Variants in ZNF532 observed in about 807,000 individuals in gnomAD.
ZNF532 encodes the protein zinc finger protein 532.
In ZNF532, 22 loss-of-function variants were observed where a neutral mutation model predicts 89.3. That is an observed-to-expected ratio of 0.25 (90% CI 0.18 to 0.35). The LOEUF (loss-of-function observed/expected upper bound fraction) is 0.35, where lower values mean the gene tolerates loss of function less well. Among genes scored for constraint, ZNF532 ranks in the 10% least tolerant of loss-of-function variants. The pLI is 1.00. For missense variants in ZNF532, 1,132 were observed against 1,643.4 expected (o/e 0.69, Z 5.38); for synonymous variants, 606 against 649.6 (o/e 0.93, Z 1.02).
chr18:58,892,988 T>G (rs181850710), intron 2 of ZNF532, among the ~76,000 whole-genome samples: 3 of 151,268 alleles, frequency 2.0e-5, no homozygotes, highest in Admixed American at 2.0e-4. Context: ...CTTTCTTTTT[T>G]TTTTTTTTTT....
intron 2 of ZNF532, among the ~76,000 whole-genome samples, chr18:58,901,689 C>T (rs563703862): frequency 1.6e-4 from 25 of 152,248 alleles, no homozygotes; most frequent in South Asian, 4.1e-4. Context: ...GACGATGAGT[C>T]CACCTGCAGG....
intron 2 of ZNF532, among the ~76,000 whole-genome samples, chr18:58,869,844 G>C (rs1342746936): frequency 7.0e-6 from 1 of 142,492 alleles, no homozygotes; most frequent in African/African-American, 2.7e-5. Flanking sequence ...TCGGCTCACT[G>C]CAACCTCTGT....
chr18:58,930,718 G>A (rs1020155181), intron 3 of ZNF532, among the ~76,000 whole-genome samples: 8 of 151,348 alleles, frequency 5.3e-5, no homozygotes, highest in African/African-American at 1.9e-4. Flanking sequence ...ATCTGAGAAT[G>A]CTCAAGCCCC....
At chr18:58,964,535 T>TGTG (rs2065708267) in intron 7 of ZNF532, among the ~76,000 whole-genome samples, 4 of 138,554 alleles carry the variant, frequency 2.9e-5, no homozygotes, top group Admixed American at 1.5e-4. Flanking sequence ...GATATTTTGT[T>TGTG]TGTGTGTGTG....
At chr18:58,916,937 AC>A (rs2060642883) in intron 2 of ZNF532, among the ~76,000 whole-genome samples, 1 of 152,218 alleles carries the variant, frequency 6.6e-6, no homozygotes, top group South Asian at 2.1e-4. Context: ...CGTGTCAGGG[AC>A]CACTAAAGCA....
Position 58,948,204 on chromosome 18 carries a change from A to C in ZNF532, c.2843A>C (p.Lys948Thr). ...CPDCSLLYAQKQLMMDHIKSM... is the reference protein window; with the variant it reads ...CPDCSLLYAQTQLMMDHIKSM... ...GACTGTTCTCTTTTATATGCACAGAAGCAACTTATGATGGACCATATCAAG... is the reference window on the plus strand; with the variant it reads ...GACTGTTCTCTTTTATATGCACAGACGCAACTTATGATGGACCATATCAAG... Residue 948 changes from lysine (K) to threonine (T), a missense_variant, in exon 6 of 10, where the codon AAG becomes ACG. Around this residue, in one of 9 missense-constraint regions of ZNF532, gnomAD observed 415 missense variants for 604.8 expected, o/e 0.69. Coordinates refer to ENST00000591808, the MANE Select transcript of ZNF532 (RefSeq NM_001375912.1). The C allele has an allele frequency of 6.2e-7, 1 of 1,613,158 alleles. No individual in the cohort carries two copies. Among genetic ancestry groups the C allele is most frequent in the Non-Finnish European group, 8.5e-7 (1 of 1,179,630 alleles).
chr18:58,929,900 C>G (rs2061809874), intron 3 of ZNF532, among the ~76,000 whole-genome samples: 2 of 152,154 alleles, frequency 1.3e-5, no homozygotes, highest in Non-Finnish European at 2.9e-5. Flanking sequence ...AACTGGTATA[C>G]TTTATTATTT....
intron 4 of ZNF532, among the ~76,000 whole-genome samples, chr18:58,935,696 T>C (rs2062415591): frequency 6.6e-6 from 1 of 151,794 alleles, no homozygotes; most frequent in Non-Finnish European, 1.5e-5. Flanking sequence ...CTGTGCCTTT[T>C]ATATTTTCAC....
chr18:58,887,543 GC>G (rs2058389164), intron 2 of ZNF532, among the ~76,000 whole-genome samples: 1 of 152,174 alleles, frequency 6.6e-6, no homozygotes, highest in South Asian at 2.1e-4. Context: ...GGGTGATGCA[GC>G]CCTCTGCCTC....
intron 7 of ZNF532, among the ~76,000 whole-genome samples, chr18:58,963,641 G>A (rs1603303575): frequency 8.0e-6 from 1 of 124,594 alleles, no homozygotes; most frequent in African/African-American, 2.9e-5. Context: ...GTGTGTGTGT[G>A]TGTGTATGTA....
intron 9 of ZNF532, among the ~76,000 whole-genome samples, chr18:58,983,423 T>C (rs937563671): frequency 9.8e-5 from 15 of 152,290 alleles, no homozygotes; most frequent in African/African-American, 3.4e-4. Flanking sequence ...TCCTTCCTAC[T>C]GGCTCTAGCC....
At chr18:58,983,883 TG>T in intron 9 of ZNF532, 88 bp from the exon 10 acceptor site, 1 of 1,492,070 alleles carries the variant, frequency 6.7e-7, no homozygotes, top group Non-Finnish European at 9.0e-7. Flanking sequence ...CAAGTTTTCC[TG>T]GCAGCTCTAA....
At chr18:58,902,241 G>C (rs778727829) in intron 2 of ZNF532, among the ~76,000 whole-genome samples, 1 of 152,146 alleles carries the variant, frequency 6.6e-6, no homozygotes, top group Non-Finnish European at 1.5e-5. Context: ...GACGGGGGCG[G>C]TTAAGATCAT....
rs2057508955 is a variant in ZNF532 at position 58,877,286 on chromosome 18, G to GGA, written c.-18+11710_-18+11711dup. On this transcript the variant is annotated intron_variant, in intron 2 of 9. Coordinates refer to ENST00000591808, the MANE Select transcript of ZNF532 (RefSeq NM_001375912.1). ...TCACATCACCTCTCCAGCACGTGAT[G>GGA]GAGACAGCCTCCATTGGGTCCTTGG... 1.3e-5 allele frequency among the ~76,000 whole-genome samples: 2 copies of GGA among 152,188 alleles called. 1 individual carries two copies.
At chr18:58,944,966 G>C (rs919433707) in intron 5 of ZNF532, among the ~76,000 whole-genome samples, 32 of 152,134 alleles carry the variant, frequency 2.1e-4, no homozygotes, top group Admixed American at 2.1e-3. Flanking sequence ...AGGAACTTGT[G>C]TAAGTAACCT....
chr18:58,969,765 G>A (rs2066275583), intron 7 of ZNF532, among the ~76,000 whole-genome samples: 1 of 151,740 alleles, frequency 6.6e-6, no homozygotes, highest in Admixed American at 6.6e-5. Flanking sequence ...ATCTTTAAAA[G>A]GAATGATTAG....
At chr18:58,934,869 GGCTTTGACTGTCA>G (rs1270123551) in intron 4 of ZNF532, among the ~76,000 whole-genome samples, 1 of 152,026 alleles carries the variant, frequency 6.6e-6, no homozygotes, top group Non-Finnish European at 1.5e-5. Context: ...GTGCAGGTGT[GGCTTTGACTGTCA>G]GCTTTGACTG....
In ZNF532 at chr18:58,939,120, A is replaced by C. The variant is rs1404008756; in HGVS notation, c.2529-325A>C. On this transcript the variant is annotated intron_variant, in intron 4 of 9. Transcript: ENST00000591808. ...AAAGTAATTGGGCATGGTGGTACAC[A>C]CCTGTAATCCCAGCTACTTGGGAGG... 3.9e-5 allele frequency among the ~76,000 whole-genome samples: 6 copies of C among 151,936 alleles called. No homozygotes were observed. The South Asian group carries it at 1.2e-3, about 32-fold the overall frequency.
chr18:58,883,568 T>G (rs2058073944), intron 2 of ZNF532, among the ~76,000 whole-genome samples: 1 of 152,196 alleles, frequency 6.6e-6, no homozygotes, highest in Non-Finnish European at 1.5e-5. Flanking sequence ...GCAGGTTTAT[T>G]ATGATTCCAG....
Sources: gnomAD v4.1 joint callset for allele counts (sites outside exome capture counted in the v4.1 genomes callset) on GRCh38, gnomAD v4.1.1 for gene constraint, gnomAD v4.1.1 regional missense constraint, MANE v1.5 for transcripts, NCBI Gene and HGNC (gene_info 2026-07-23, HGNC 2026-07-21) for gene names.